Variants in TMEM165 observed in about 807,000 individuals in gnomAD.
The protein encoded by TMEM165 is putative divalent cation/proton antiporter TMEM165.
TMEM165 carries 19 observed loss-of-function variants against 30.0 expected under a neutral mutation model. That is an observed-to-expected ratio of 0.63 (90% CI 0.44 to 0.93). The LOEUF is 0.93. Among genes scored for constraint, TMEM165 ranks in the 40% least tolerant of loss-of-function variants. TMEM165 has a pLI of 0.00. For missense variants in TMEM165, 340 were observed against 417.0 expected, an observed-to-expected ratio of 0.82 and a Z score of 1.61; for synonymous variants, 168 against 162.9, an observed-to-expected ratio of 1.03 and a Z score of -0.24.
Position 55,443,749 on chromosome 4 carries a change from C to T in TMEM165, c.409-8490C>T, listed in dbSNP as rs1723560952. 5 of 1,614,002 alleles carry T rather than the reference C, an allele frequency of 3.1e-6. No homozygotes were observed. On this transcript the variant is annotated intron_variant, in intron 3 of 3. Transcript: ENST00000608091. ...ATGTGCTGAGTTGTGCCAATGTGTC[C>T]AGTATTCATTCCACTTTGAATCTGG...
intron 1 of TMEM165, among the ~76,000 whole-genome samples, chr4:55,400,445 A>AT (rs1045950772): frequency 7.4e-6 from 1 of 135,722 alleles, no homozygotes; most frequent in Admixed American, 8.4e-5. Flanking sequence ...TAATATATAT[A>AT]ATATATATAT....
rs1480949853 is a variant in TMEM165, at chr4:55,402,657, A to G, written c.207+6261A>G. Among the ~76,000 whole-genome samples, 11 of 145,666 alleles carry G rather than the reference A, an allele frequency of 7.6e-5. 1 individual carries two copies. The highest frequency in any genetic ancestry group is 5.4e-4 in the Admixed American group (8 of 14,804). On this transcript the variant is annotated intron_variant, in intron 1 of 5. Coordinates refer to ENST00000381334, the MANE Select transcript of TMEM165 (RefSeq NM_018475.5). ...GAGATGGGGTTTTGCCACGTTGGCCAGGCTGGTCTCAAGCTCCCAACCTCG... is the reference window on the plus strand; with the variant it reads ...GAGATGGGGTTTTGCCACGTTGGCCGGGCTGGTCTCAAGCTCCCAACCTCG...
chr4:55,430,137 T>G (rs986691034), downstream of TMEM165: 2 of 152,234 alleles, frequency 1.3e-5, no homozygotes, highest in African/African-American at 2.4e-5. Context: ...AGCAATTGCT[T>G]CTTTGAACCC....
intron 5 of TMEM165, chr4:55,424,890 G>T: frequency 2.2e-6 from 1 of 452,802 alleles, no homozygotes; most frequent in Non-Finnish European, 3.9e-6. Flanking sequence ...TATTATCTTA[G>T]TAAAACAATT....
At chr4:55,428,996 A>G (rs1722356120), downstream of TMEM165, 1 of 143,256 alleles carries the variant, frequency 7.0e-6, no homozygotes, top group African/African-American at 2.5e-5. Flanking sequence ...TTTTTTTTTA[A>G]AAAGACATTT....
chr4:55,435,401 A>G (rs903173888), intron 3 of TMEM165: 1 of 1,613,804 alleles, frequency 6.2e-7, no homozygotes, highest in Admixed American at 1.7e-5. Context: ...ATGTCAAGAG[A>G]GGAAGCACGT....
At chr4:55,432,033 T>C (rs1468010235) in intron 3 of TMEM165, 1 of 152,218 alleles carries the variant, frequency 6.6e-6, no homozygotes, top group African/African-American at 2.4e-5. Flanking sequence ...GAATGTTCTA[T>C]AACAAACTAT....
At chr4:55,448,746 A>G (rs1724158948) in intron 3 of TMEM165, 1 of 1,544,920 alleles carries the variant, frequency 6.5e-7, no homozygotes, top group Non-Finnish European at 8.9e-7. Context: ...TATCATATTC[A>G]AATACGCAAC....
chr4:55,402,809 T>TTTTTTTTTTTTA (rs1560387581), intron 1 of TMEM165, among the ~76,000 whole-genome samples: 1 of 131,924 alleles, frequency 7.6e-6, no homozygotes, highest in Non-Finnish European at 1.6e-5. Flanking sequence ...TTTTTTTTTT[T>TTTTTTTTTTTTA]GAGACGGAGT....
intron 3 of TMEM165, chr4:55,448,989 A>G: frequency 5.2e-6 from 4 of 773,128 alleles, no homozygotes; most frequent in Non-Finnish European, 8.7e-6. Flanking sequence ...TACTTTTGTT[A>G]GCTGAATACA....
At chr4:55,445,579 A>ATTTTTTTTTTTTTTT (rs1191320465) in intron 3 of TMEM165, among the ~76,000 whole-genome samples, 1 of 65,516 alleles carries the variant, frequency 1.5e-5, no homozygotes, top group African/African-American at 5.3e-5. Context: ...CTATTTCTAT[A>ATTTTTTTTTTTTTTT]TTCTTTTTTT....
intron 1 of TMEM165, among the ~76,000 whole-genome samples, chr4:55,404,957 T>G (rs1003615529): frequency 6.6e-6 from 1 of 152,194 alleles, no homozygotes; most frequent in African/African-American, 2.4e-5. Flanking sequence ...TCTGAAAATA[T>G]CTCGCATCTA....
chr4:55,427,897 A>G (rs772722770), downstream of TMEM165: 1 of 152,218 alleles, frequency 6.6e-6, no homozygotes, highest in Non-Finnish European at 1.5e-5. Flanking sequence ...AGAAAGGGAA[A>G]TGTCATTGAT....
chr4:55,427,486 G>A (rs529645998), downstream of TMEM165, among the ~76,000 whole-genome samples: 113 of 151,814 alleles, frequency 7.4e-4, 1 homozygote, highest in South Asian at 5.4e-3. Context: ...GGGATTATAG[G>A]TGCCCGCCAC....
At position 55,403,492 on chromosome 4, in the gene TMEM165, C is replaced by CTTTTT. The variant is rs71664292; in HGVS notation, c.207+7097_207+7101dup. ...ACTTTCTAAATGAGGGTGCCTTTTT[C>CTTTTT]TTTTTCTTTTTTTTTTTTTTACAAT... On this transcript the variant is annotated intron_variant, in intron 1 of 5. Coordinates refer to ENST00000381334, the MANE Select transcript of TMEM165 (RefSeq NM_018475.5). Among the ~76,000 whole-genome samples, 3 of 124,508 alleles carry CTTTTT rather than the reference C, an allele frequency of 2.4e-5. 1 individual carries two copies. The highest frequency in any genetic ancestry group is 3.2e-5 in the African/African-American group (1 of 31,698). 81.7% of individuals were successfully genotyped at this position (124,508 alleles called of 152,430 possible). A position where few individuals can be genotyped will look rare whatever the true frequency, so the allele number is the denominator to read the frequency against.
intron 3 of TMEM165, among the ~76,000 whole-genome samples, chr4:55,436,438 T>C (rs1722881972): frequency 6.6e-6 from 1 of 152,302 alleles, no homozygotes; most frequent in Admixed American, 6.5e-5. Flanking sequence ...GACATGCTGT[T>C]CATTAATGTA....
At chr4:55,439,795 C>CT (rs1003911319) in intron 3 of TMEM165, among the ~76,000 whole-genome samples, 6 of 152,184 alleles carry the variant, frequency 3.9e-5, no homozygotes, top group African/African-American at 1.4e-4. Context: ...ATATGAGGTA[C>CT]TTAGACTAGT....
At chr4:55,435,664 C>T in intron 3 of TMEM165, 4 of 1,483,430 alleles carry the variant, frequency 2.7e-6, no homozygotes, top group African/African-American at 1.4e-5. Context: ...GTTACTCACA[C>T]TCTCCCCTGT....
At position 55,417,829 on chromosome 4, in the gene TMEM165, A is replaced by T; in HGVS notation, c.636A>T (p.Gly212=). 1 of 1,611,488 alleles carries T rather than the reference A, an allele frequency of 6.2e-7. No individual in the cohort carries two copies. The highest frequency in any genetic ancestry group is 1.3e-5 in the African/African-American group (1 of 74,936). The change falls in exon 4 of 6, where the codon GGA becomes GGT. Residue 212 remains glycine, a synonymous_variant. Transcript: ENST00000381334. ...EEFQRTKLLN[G]PGDVETGTSI... The stretch of plus-strand genomic sequence containing the variant: ...TTCAACGAACCAAACTTTTAAATGG[A>T]CCGGGAGATGTTGAAACGGGTACAA...
Sources: allele counts gnomAD v4.1 joint callset (sites outside exome capture counted in the v4.1 genomes callset), GRCh38; gene constraint gnomAD v4.1.1; transcripts MANE v1.5; gene names NCBI Gene and HGNC (gene_info 2026-07-23, HGNC 2026-07-21).